Variants in CLTCL1 observed in about 807,000 individuals in gnomAD.
CLTCL1 encodes clathrin heavy chain like 1, also known as clathrin heavy chain 2.
CLTCL1 carries 159 observed loss-of-function variants against 190.0 expected under a neutral mutation model. That is an observed-to-expected ratio of 0.84 (90% confidence interval 0.74 to 0.95). The LOEUF (loss-of-function observed/expected upper bound fraction) is 0.95. CLTCL1 is among the 40% of genes least tolerant of loss of function. CLTCL1 has a pLI of 0.00. For missense variants in CLTCL1, 1,878 were observed against 2,033.4 expected (o/e 0.92, Z 1.47); for synonymous variants, 752 against 769.6 (o/e 0.98, Z 0.38).
At chr22:19,200,488 T>C (rs567528436) in intron 23 of CLTCL1, among the ~76,000 whole-genome samples, 1 of 152,346 alleles carries the variant, frequency 6.6e-6, no homozygotes, top group Admixed American at 6.5e-5. Context: ...GGCAACATCT[T>C]TTCCTGCAAC....
chr22:19,215,236 T>C (rs373775329), intron 19 of CLTCL1, among the ~76,000 whole-genome samples: 66 of 152,342 alleles, frequency 4.3e-4, no homozygotes, highest in African/African-American at 1.5e-3. Flanking sequence ...TCACATTCCA[T>C]ATGCCATTAC....
chr22:19,188,186 G>T, intron 27 of CLTCL1, 95 bp from the exon 28 acceptor site: 1 of 1,094,726 alleles, frequency 9.1e-7, no homozygotes, highest in South Asian at 1.2e-5. Context: ...CCATCCACTT[G>T]AATGGTCCAG....
intron 1 of CLTCL1, among the ~76,000 whole-genome samples, chr22:19,284,917 T>G (rs782144249): frequency 1.1e-4 from 17 of 152,098 alleles, no homozygotes; most frequent in Non-Finnish European, 1.5e-4. Flanking sequence ...ATCATGCCAC[T>G]GCACTCCAGC....
chr22:19,278,688 A>G lies in CLTCL1; in HGVS notation c.43-2858T>C, dbSNP rs368087047. On this transcript the variant is annotated intron_variant, in intron 1 of 32. Transcript: ENST00000427926. ...GTTTAGTTCCCTGCTGGCTTATACA[A>G]CAACATCCAAGGTCATAAATTCCTG... Among the ~76,000 whole-genome samples, 53 of 152,312 alleles carry G rather than the reference A, an allele frequency of 3.5e-4. 1 individual carries two copies. Among genetic ancestry groups the G allele is most frequent in the African/African-American group, 1.2e-3 (50 of 41,560 alleles).
chr22:19,208,194 T>G lies in CLTCL1; in HGVS notation c.3560A>C (p.Glu1187Ala). 6.2e-7 allele frequency: 1 copy of G among 1,613,828 alleles called. No homozygotes were observed. Among genetic ancestry groups the G allele is most frequent in the Non-Finnish European group, 8.5e-7 (1 of 1,179,898 alleles). Reference protein sequence around the residue: ...LAKTSRVSELEDFINGPNNAH... With the variant: ...LAKTSRVSELADFINGPNNAH... ...ATTGTTGGGTCCATTAATAAAATCT[T>G]CTAGCTCAGAAACACGGCTGGTTTT... is the stretch of plus-strand genomic sequence containing the variant. The change falls in exon 22 of 33, where the codon GAA becomes GCA. Residue 1187 changes from glutamate (E) to alanine (A), a missense_variant. Coordinates refer to ENST00000427926, the MANE Select transcript of CLTCL1 (RefSeq NM_007098.4).
At chr22:19,243,167 T>G (rs1011737875) in intron 3 of CLTCL1, among the ~76,000 whole-genome samples, 2 of 152,276 alleles carry the variant, frequency 1.3e-5, no homozygotes, top group Middle Eastern at 3.4e-3. Context: ...TGGACAAACC[T>G]AATTTGTTAA....
intron 3 of CLTCL1, among the ~76,000 whole-genome samples, chr22:19,249,129 C>T (rs946917115): frequency 2.6e-5 from 4 of 152,052 alleles, no homozygotes; most frequent in African/African-American, 2.4e-5. Context: ...GAGGCCGAAG[C>T]GGGCGGATTA....
Position 19,254,338 on chromosome 22 carries a change from A to G in CLTCL1, c.251-111T>C, listed in dbSNP as rs1489135863. The G allele has an allele frequency of 5.5e-6, 5 of 907,876 alleles. No homozygotes were observed. The Admixed American group carries it at 8.0e-5, about 14-fold the overall frequency. 56.2% of individuals were successfully genotyped at this position (907,876 alleles called of 1,614,324 possible). A position where few individuals can be genotyped will look rare whatever the true frequency, so the allele number is the denominator to read the frequency against. ...TAATATTACTTTAGGTTGTACTGCTAATCTGATTAACAGGGTCTGAAAGAT... is the reference window on the plus strand; with the variant it reads ...TAATATTACTTTAGGTTGTACTGCTGATCTGATTAACAGGGTCTGAAAGAT... On this transcript the variant is annotated intron_variant, in intron 2 of 32. Transcript: ENST00000427926.
rs182597401 is a variant in CLTCL1 at position 19,251,481 on chromosome 22, G to A, written c.519+2478C>T. Among the ~76,000 whole-genome samples the A allele has an allele frequency of 2.4e-3, 371 of 152,092 alleles. 5 individuals carry two copies. The highest frequency in any genetic ancestry group is 0.01 in the Middle Eastern group (3 of 294). On this transcript the variant is annotated intron_variant, in intron 3 of 32. Coordinates refer to ENST00000427926, the MANE Select transcript of CLTCL1 (RefSeq NM_007098.4). ...TTTTGTTTTGTTTTGTTTCTGAGAC[G>A]GAGTCTCGCTCTTTTGCCCAGGCCG...
At position 19,188,964 on chromosome 22, in the gene CLTCL1, C is replaced by T. The variant is rs564912337; in HGVS notation, c.4324-873G>A. 4.6e-5 allele frequency among the ~76,000 whole-genome samples: 7 copies of T among 151,860 alleles called. No homozygotes were observed. In the South Asian group the frequency reaches 8.3e-4, roughly 18 times the overall value. On this transcript the variant is annotated intron_variant, in intron 27 of 32. Transcript: ENST00000427926. ...TGGGGCGGGAGACGGAGTGCAGTGG[C>T]GCGATCTTGGCTCACTGCAATCTCT...
intron 29 of CLTCL1, chr22:19,184,452 C>T (rs2084244308): frequency 1.1e-5 from 5 of 455,914 alleles, no homozygotes; most frequent in Non-Finnish European, 2.2e-5. Flanking sequence ...TCTGCATGGA[C>T]CCGATGTGCT....
At chr22:19,236,809 T>C (rs1434775592) in intron 5 of CLTCL1, among the ~76,000 whole-genome samples, 1 of 152,048 alleles carries the variant, frequency 6.6e-6, no homozygotes, top group Non-Finnish European at 1.5e-5. Context: ...GTAGGTAACA[T>C]ATTAGTGGAA....
At chr22:19,247,355 T>G (rs1555968336) in intron 3 of CLTCL1, among the ~76,000 whole-genome samples, 1 of 152,226 alleles carries the variant, frequency 6.6e-6, no homozygotes, top group African/African-American at 2.4e-5. Context: ...TTGGTCTACA[T>G]GTCTATTCTT....
intron 22 of CLTCL1, among the ~76,000 whole-genome samples, chr22:19,204,210 C>A (rs894564254): frequency 6.6e-6 from 1 of 152,100 alleles, no homozygotes; most frequent in African/African-American, 2.4e-5. Flanking sequence ...AAGCCAGAGT[C>A]CTGATGACGA....
At chr22:19,183,217 G>C in intron 30 of CLTCL1, 173 bp downstream of exon 30, 3 of 610,060 alleles carry the variant, frequency 4.9e-6, no homozygotes, top group Non-Finnish European at 8.7e-6. Flanking sequence ...ACGTTGGGCA[G>C]AAAACCACTT....
chr22:19,194,393 A>G (rs1484515302), intron 26 of CLTCL1, among the ~76,000 whole-genome samples: 2 of 152,162 alleles, frequency 1.3e-5, no homozygotes, highest in Non-Finnish European at 2.9e-5. Context: ...GAGGCAGGAG[A>G]ATCGCTCGAG....
At chr22:19,224,251 G>C (rs574202156) in intron 13 of CLTCL1, among the ~76,000 whole-genome samples, 197 bp from the exon 14 acceptor site, 4 of 151,004 alleles carry the variant, frequency 2.6e-5, no homozygotes, top group African/African-American at 9.7e-5. Flanking sequence ...ATATTTGGCA[G>C]GTATACCTGG....
chr22:19,273,378 C>G (rs556425925), intron 2 of CLTCL1, among the ~76,000 whole-genome samples: 4 of 152,262 alleles, frequency 2.6e-5, no homozygotes, highest in Non-Finnish European at 5.9e-5. Flanking sequence ...GAAAACAAGA[C>G]TCAACATGTT....
At chr22:19,264,206 G>A (rs1227640055) in intron 2 of CLTCL1, among the ~76,000 whole-genome samples, 2 of 151,278 alleles carry the variant, frequency 1.3e-5, no homozygotes, top group Non-Finnish European at 2.9e-5. Context: ...GGCTGAGGTA[G>A]GAGGATAGCT....
Sources: gnomAD v4.1 joint callset for allele counts (sites outside exome capture counted in the v4.1 genomes callset) on GRCh38, gnomAD v4.1.1 for gene constraint, MANE v1.5 for transcripts, NCBI Gene and HGNC (gene_info 2026-07-23, HGNC 2026-07-21) for gene names.